TNFRSF1B: variants seen among roughly 807,000 people sequenced by gnomAD.
The protein encoded by TNFRSF1B is TNF receptor superfamily member 1B, also known as tumor necrosis factor receptor superfamily member 1B.
TNFRSF1B carries 19 observed loss-of-function variants against 44.6 expected under a neutral mutation model. That is an observed-to-expected ratio of 0.43 (90% confidence interval 0.30 to 0.62). TNFRSF1B has a LOEUF of 0.62. Ranked by LOEUF, TNFRSF1B falls within the 20% of genes least tolerant of loss-of-function variation. The pLI is 0.16. For missense variants in TNFRSF1B, 541 were observed against 619.9 expected (o/e 0.87, Z 1.35); for synonymous variants, 252 against 261.1 (o/e 0.97, Z 0.34).
intron 8 of TNFRSF1B, among the ~76,000 whole-genome samples, chr1:12,200,594 T>G (rs1398889459): frequency 2.0e-5 from 3 of 152,112 alleles, no homozygotes; most frequent in Non-Finnish European, 4.4e-5. Flanking sequence ...ACACCCAAAC[T>G]TGAGCTTCCC....
intron 3 of TNFRSF1B, among the ~76,000 whole-genome samples, chr1:12,191,374 C>A (rs1049120631): frequency 6.6e-6 from 1 of 152,084 alleles, no homozygotes; most frequent in Non-Finnish European, 1.5e-5. Context: ...AGCAGGACTG[C>A]GGGGAGGAGC....
Position 12,168,489 on chromosome 1 carries a change from C to G in TNFRSF1B, c.78+1320C>G, listed in dbSNP as rs1457958182. Among the ~76,000 whole-genome samples, 1 of 152,120 alleles carries G rather than the reference C, an allele frequency of 6.6e-6. No homozygotes were observed. Among genetic ancestry groups the G allele is most frequent in the Non-Finnish European group, 1.5e-5 (1 of 67,994 alleles). On this transcript the variant is annotated intron_variant, in intron 1 of 9. Transcript: ENST00000376259. The surrounding 1 kb of genome is among the most constrained non-coding windows in gnomAD (Gnocchi z 4.7). ...TAGGGCCGAGTGTGAATGGGGACGACCGTGGTCCCCAGCTTGACTTTGGGG... is the reference window on the plus strand; with the variant it reads ...TAGGGCCGAGTGTGAATGGGGACGAGCGTGGTCCCCAGCTTGACTTTGGGG...
chr1:12,191,552 A>AC (rs1199687367), intron 3 of TNFRSF1B, among the ~76,000 whole-genome samples: 1 of 148,144 alleles, frequency 6.8e-6, no homozygotes, highest in African/African-American at 2.6e-5. Context: ...GACGAGCAGG[A>AC]CTGCGGAGAG....
chr1:12,181,085 C>T (rs984417722), intron 1 of TNFRSF1B, among the ~76,000 whole-genome samples: 3 of 152,184 alleles, frequency 2.0e-5, no homozygotes, highest in Non-Finnish European at 4.4e-5. Context: ...TCCTGAGGAA[C>T]GGGCCTGGTG....
At position 12,186,589 on chromosome 1, in the gene TNFRSF1B, T is replaced by A. The variant is rs1177031437; in HGVS notation, c.79-2207T>A. ...TGCCTAAGGCCACACAGCCGCTAAG[T>A]GGTGGAGTGAGGATTTGAAACCAGT... is the stretch of plus-strand genomic sequence containing the variant. On this transcript the variant is annotated intron_variant, in intron 1 of 9. Coordinates refer to ENST00000376259, the MANE Select transcript of TNFRSF1B (RefSeq NM_001066.3). The surrounding 1 kb of genome is among the most constrained non-coding windows in gnomAD (Gnocchi z 4.8). 6.6e-6 allele frequency among the ~76,000 whole-genome samples: 1 copy of A among 152,190 alleles called. No individual in the cohort carries two copies. The highest frequency in any genetic ancestry group is 1.5e-5 in the Non-Finnish European group (1 of 68,028).
chr1:12,167,751 G>T (rs1327308961), intron 1 of TNFRSF1B, among the ~76,000 whole-genome samples: 2 of 152,220 alleles, frequency 1.3e-5, no homozygotes, highest in African/African-American at 4.8e-5. Context: ...CTGCCTGTCT[G>T]CTTCCTCCGA....
At chr1:12,191,204 G>C in intron 3 of TNFRSF1B, 119 bp downstream of exon 3, 1 of 1,361,706 alleles carries the variant, frequency 7.3e-7, no homozygotes, top group Non-Finnish European at 1.0e-6. Flanking sequence ...GTTGGAAGTG[G>C]CACAGGTGCA....
At chr1:12,195,196 G>T (rs1351754947) in intron 8 of TNFRSF1B, among the ~76,000 whole-genome samples, 2 of 152,206 alleles carry the variant, frequency 1.3e-5, no homozygotes, top group Non-Finnish European at 2.9e-5. Context: ...ATAAAGTAGG[G>T]CCTGCGAAGG....
intron 7 of TNFRSF1B, among the ~76,000 whole-genome samples, chr1:12,194,292 C>T (rs1461261865): frequency 3.3e-5 from 5 of 152,132 alleles, no homozygotes; most frequent in Non-Finnish European, 4.4e-5. Context: ...TTCGGGCTTC[C>T]TGCAGCAGGT....
intron 1 of TNFRSF1B, among the ~76,000 whole-genome samples, chr1:12,184,472 C>T (rs894567608): frequency 3.3e-5 from 5 of 152,084 alleles, no homozygotes; most frequent in African/African-American, 7.2e-5. Context: ...CCCCCTCTGC[C>T]GGCTACCGGG....
At chr1:12,189,664 A>G (rs1013747479) in intron 2 of TNFRSF1B, among the ~76,000 whole-genome samples, 3 of 152,236 alleles carry the variant, frequency 2.0e-5, no homozygotes, top group African/African-American at 7.2e-5. Context: ...GCCCTCGTGG[A>G]GTCTGCATTT....
Position 12,202,180 on chromosome 1 carries a change from T to C in TNFRSF1B, c.1105+9T>C. 1 of 1,542,260 alleles carries C rather than the reference T, an allele frequency of 6.5e-7. No individual in the cohort carries two copies. ...CAGCACCGGGAGCTCAGGTAAGAGG[T>C]GGGAGCACACCTGGCTTCTTCCCAA... On this transcript the variant is annotated intron_variant, in intron 9 of 9. Transcript: ENST00000376259.
Position 12,186,154 on chromosome 1 carries a change from G to A in TNFRSF1B, c.79-2642G>A, listed in dbSNP as rs1049844077. On this transcript the variant is annotated intron_variant, in intron 1 of 9. Coordinates refer to ENST00000376259, the MANE Select transcript of TNFRSF1B (RefSeq NM_001066.3). This position sits in a 1 kb window ranked among gnomAD's most constrained non-coding sequence, Gnocchi z 4.8. ...AGCTCCTCTGGGTCGTTCCCGCTGAGGGATTCCAGCTGTTGGCACCGAGGG... is the reference window on the plus strand; with the variant it reads ...AGCTCCTCTGGGTCGTTCCCGCTGAAGGATTCCAGCTGTTGGCACCGAGGG... Among the ~76,000 whole-genome samples the A allele has an allele frequency of 6.6e-6, 1 of 152,220 alleles. No homozygotes were observed. The highest frequency in any genetic ancestry group is 2.4e-5 in the African/African-American group (1 of 41,442).
At chr1:12,188,116 G>T (rs1478625641) in intron 1 of TNFRSF1B, among the ~76,000 whole-genome samples, 1 of 152,216 alleles carries the variant, frequency 6.6e-6, no homozygotes, top group Non-Finnish European at 1.5e-5. Context: ...CGGCTCTACG[G>T]TGGGTCCCAT....
chr1:12,206,926 G>C lies in TNFRSF1B; in HGVS notation c.1292G>C (p.Arg431Pro). The C allele has an allele frequency of 6.2e-7, 1 of 1,614,182 alleles. No individual in the cohort carries two copies. Among genetic ancestry groups the C allele is most frequent in the Non-Finnish European group, 8.5e-7 (1 of 1,180,002 alleles). The change falls in exon 10 of 10, where the codon CGG (arginine) becomes CCG (proline). Residue 431 changes from arginine (R) to proline (P), a missense_variant. Coordinates refer to ENST00000376259, the MANE Select transcript of TNFRSF1B (RefSeq NM_001066.3). ...VPFSKEECAF[R>P]SQLETPETLL... is the part of the protein sequence containing the mutation. ...TTCTCCAAGGAGGAATGTGCCTTTC[G>C]GTCACAGCTGGAGACGCCAGAGACC... is the stretch of plus-strand genomic sequence containing the variant.
chr1:12,193,908 T>C lies in TNFRSF1B; in HGVS notation c.788-47T>C, dbSNP rs201668794. 8.9e-4 allele frequency: 1,361 copies of C among 1,527,978 alleles called. 1 individual carries two copies. The highest frequency in any genetic ancestry group is 1.1e-3 in the Non-Finnish European group (1,220 of 1,102,910). 94.7% of individuals were successfully genotyped at this position (1,527,978 alleles called of 1,614,324 possible). ...GCTTGCCTGGCTGGCCCCTGGTACA[T>C]TTGAGTTTGTTTTCTGTAGCTGTCT... On this transcript the variant is annotated intron_variant, in intron 6 of 9. Coordinates refer to ENST00000376259, the MANE Select transcript of TNFRSF1B (RefSeq NM_001066.3).
chr1:12,206,943 C>A lies in TNFRSF1B; in HGVS notation c.1309C>A (p.Pro437Thr). Residue 437 changes from proline (P) to threonine (T), a missense_variant, in exon 10 of 10, where the codon CCA becomes ACA. By Grantham distance (38) the Pro-to-Thr change is conservative. Coordinates refer to ENST00000376259, the MANE Select transcript of TNFRSF1B (RefSeq NM_001066.3). ...ECAFRSQLET[P>T]ETLLGSTEEK... The stretch of plus-strand genomic sequence containing the variant: ...TGCCTTTCGGTCACAGCTGGAGACG[C>A]CAGAGACCCTGCTGGGGAGCACCGA... The A allele has an allele frequency of 6.2e-7, 1 of 1,614,020 alleles. No homozygotes were observed. The highest frequency in any genetic ancestry group is 2.2e-5 in the East Asian group (1 of 44,876).
intron 1 of TNFRSF1B, 86 bp from the exon 2 acceptor site, chr1:12,188,710 C>G: frequency 7.7e-7 from 1 of 1,292,950 alleles, no homozygotes; most frequent in East Asian, 2.3e-5. Flanking sequence ...GAGGGCCAAA[C>G]ATTTGCAGGG....
rs189608732 is a variant in TNFRSF1B, at chr1:12,186,143, G to A, written c.79-2653G>A. On this transcript the variant is annotated intron_variant, in intron 1 of 9. Transcript: ENST00000376259. The surrounding 1 kb of genome is among the most constrained non-coding windows in gnomAD (Gnocchi z 4.8). ...CAGGAAGCCCCAGCTCCTCTGGGTC[G>A]TTCCCGCTGAGGGATTCCAGCTGTT... is the stretch of plus-strand genomic sequence containing the variant. Among the ~76,000 whole-genome samples, 836 of 152,320 alleles carry A rather than the reference G, an allele frequency of 5.5e-3. 6 individuals are homozygous for A. Among genetic ancestry groups the A allele is most frequent in the Middle Eastern group, 0.027 (8 of 294 alleles).
Sources: gnomAD v4.1 joint callset for allele counts (sites outside exome capture counted in the v4.1 genomes callset) on GRCh38, gnomAD v4.1.1 for gene constraint, Gnocchi (gnomAD v3.1) non-coding constraint, MANE v1.5 for transcripts, NCBI Gene and HGNC (gene_info 2026-07-23, HGNC 2026-07-21) for gene names.